The following UCMA variants were observed in gnomAD, a reference collection of about 807,000 sequenced individuals.
UCMA encodes upper zone of growth plate and cartilage matrix-associated protein.
A neutral mutation model predicts 21.8 loss-of-function variants in UCMA; 21 were observed. That is an observed-to-expected ratio of 0.97 (90% confidence interval 0.68 to 1.39). The LOEUF is 1.39. Among genes scored for constraint, UCMA ranks in the 40% most tolerant of loss-of-function variants. UCMA has a pLI of 0.00. For missense variants in UCMA, 193 were observed against 178.9 expected, an observed-to-expected ratio of 1.08 and a Z score of -0.45; for synonymous variants, 76 against 67.9, an observed-to-expected ratio of 1.12 and a Z score of -0.58.
At chr10:13,232,262 C>T (rs940475229) in intron 3 of UCMA, among the ~76,000 whole-genome samples, 11 of 149,758 alleles carry the variant, frequency 7.3e-5, no homozygotes, top group African/African-American at 2.7e-4. Context: ...ATTCCAGCTA[C>T]TTGGGAGGCT....
At chr10:13,229,580 T>C in intron 4 of UCMA, 31 bp downstream of exon 4, 1 of 1,587,430 alleles carries the variant, frequency 6.3e-7, no homozygotes, top group Non-Finnish European at 8.6e-7. Context: ...ACGCTCCACC[T>C]CCCTGAAGAC....
intron 3 of UCMA, among the ~76,000 whole-genome samples, chr10:13,230,387 T>A (rs1834882643): frequency 6.6e-6 from 1 of 152,204 alleles, no homozygotes; most frequent in Non-Finnish European, 1.5e-5. Flanking sequence ...AGACAAGTTT[T>A]ACCAAGCATT....
At position 13,223,151 on chromosome 10, in the gene UCMA, G is replaced by C. The variant is rs868704865; in HGVS notation, c.320-951C>G. Among the ~76,000 whole-genome samples the C allele has an allele frequency of 1.0e-3, 156 of 151,612 alleles. 1 individual carries two copies. Among genetic ancestry groups the C allele is most frequent in the Admixed American group, 3.0e-3 (46 of 15,238 alleles). On this transcript the variant is annotated intron_variant, in intron 4 of 4. Transcript: ENST00000378681. ...TGAAGTATGAGAATCACTTGAACCT[G>C]GGAGGTGGAGGATGCAGTGAGCTGA...
At chr10:13,225,690 AG>A (rs1834815915) in intron 4 of UCMA, among the ~76,000 whole-genome samples, 2 of 149,970 alleles carry the variant, frequency 1.3e-5, no homozygotes, top group African/African-American at 4.9e-5. Flanking sequence ...AAAAAAAAAA[AG>A]AATAGGTGAC....
At position 13,232,657 on chromosome 10, in the gene UCMA, A is replaced by G. The variant is rs116575100; in HGVS notation, c.220+881T>C. Among the ~76,000 whole-genome samples, 638 of 152,200 alleles carry G rather than the reference A, an allele frequency of 4.2e-3. 3 individuals are homozygous for G. The highest frequency in any genetic ancestry group is 0.014 in the African/African-American group (599 of 41,528). ...TATCTCTGTTCTTCCCATCATTTGA[A>G]AACAGTCCTGTTATTTTTACCAAGC... On this transcript the variant is annotated intron_variant, in intron 3 of 4. Coordinates refer to ENST00000378681, the MANE Select transcript of UCMA (RefSeq NM_145314.3).
intron 4 of UCMA, among the ~76,000 whole-genome samples, chr10:13,223,930 G>T (rs1834791801): frequency 1.3e-5 from 2 of 152,058 alleles, no homozygotes; most frequent in Admixed American, 1.3e-4. Context: ...GCGAGTTACT[G>T]CTTTATGAAT....
chr10:13,227,879 C>T (rs1329108986), intron 4 of UCMA, among the ~76,000 whole-genome samples: 2 of 151,660 alleles, frequency 1.3e-5, no homozygotes, highest in African/African-American at 2.4e-5. Context: ...AATCCCACTC[C>T]GTGGAAGGCA....
intron 4 of UCMA, among the ~76,000 whole-genome samples, chr10:13,225,096 G>T (rs2131602730): frequency 6.6e-6 from 1 of 152,086 alleles, no homozygotes; most frequent in East Asian, 1.9e-4. Context: ...TTCTCATCCT[G>T]TTGCCCAAGC....
rs759937696 is a variant in UCMA at position 13,229,760 on chromosome 10, G to T, written c.221-51C>A. ...TGCCCCTCAAGAATGAGGACACTTA[G>T]GGGCACACACTTAGGGGAGCACAGT... is the stretch of plus-strand genomic sequence containing the variant. On this transcript the variant is annotated intron_variant, in intron 3 of 4. Transcript: ENST00000378681. 1.7e-5 allele frequency: 25 copies of T among 1,500,988 alleles called. 1 individual carries two copies. In the Middle Eastern group the frequency reaches 5.1e-4, roughly 31 times the overall value. The allele number at this position is 1,500,988 out of a possible 1,614,324, so 93.0% of individuals were successfully genotyped here.
Position 13,229,615 on chromosome 10 carries a change from G to C in UCMA, c.315C>G (p.Asn105Lys), listed in dbSNP as rs974727103. The C allele has an allele frequency of 5.6e-6, 9 of 1,613,436 alleles. No homozygotes were observed. The Middle Eastern group carries it at 5.0e-4, about 89-fold the overall frequency. The stretch of plus-strand genomic sequence containing the variant: ...CACTGGCTGAAGAGCTCTTACCATC[G>C]TTTTGTTCCTCCACGAAGTTCTCAA... ...NEFENFVEEQ[N>K]DEQEERSREA... Residue 105 changes from asparagine to lysine, a missense_variant, in exon 4 of 5, where the codon AAC becomes AAG. Coordinates refer to ENST00000378681, the MANE Select transcript of UCMA (RefSeq NM_145314.3).
chr10:13,234,171 C>A, intron 1 of UCMA, 30 bp downstream of exon 1: 5 of 1,592,906 alleles, frequency 3.1e-6, no homozygotes, highest in Non-Finnish European at 4.3e-6. Context: ...ATGTAACTAA[C>A]ACCCTCCACC....
rs1437215377 is a variant in UCMA, at chr10:13,233,612, A to G, written c.146T>C (p.Met49Thr). 6.2e-7 allele frequency: 1 copy of G among 1,613,986 alleles called. No homozygotes were observed. Among genetic ancestry groups the G allele is most frequent in the Non-Finnish European group, 8.5e-7 (1 of 1,180,038 alleles). ...GAAATTCGAGGCATCTGATTCCTGC[A>G]TGAAAATCTTCTGTTTTGCATCTGA... The part of the protein sequence containing the change: ...ASEDAKQKIF[M>T]QESDASNFLK... The change falls in exon 3 of 5, where the codon ATG becomes ACG. Residue 49 changes from methionine to threonine, a missense_variant. Transcript: ENST00000378681.
chr10:13,224,198 T>A (rs10906323), intron 4 of UCMA, among the ~76,000 whole-genome samples: 1 of 151,746 alleles, frequency 6.6e-6, no homozygotes, highest in South Asian at 2.1e-4. Flanking sequence ...GTGATAGCAC[T>A]TGCCTATAGT....
chr10:13,232,258 G>C (rs553994456), intron 3 of UCMA, among the ~76,000 whole-genome samples: 6 of 151,148 alleles, frequency 4.0e-5, no homozygotes, highest in Non-Finnish European at 8.8e-5. Context: ...TGTAATTCCA[G>C]CTACTTGGGA....
chr10:13,234,095 A>G (rs1834937990), intron 1 of UCMA, 106 bp downstream of exon 1: 1 of 1,054,192 alleles, frequency 9.5e-7, no homozygotes, highest in South Asian at 1.8e-5. Flanking sequence ...TGTTAACAAT[A>G]AGCATACTCC....
At chr10:13,229,986 T>G (rs190112667) in intron 3 of UCMA, among the ~76,000 whole-genome samples, 5 of 152,310 alleles carry the variant, frequency 3.3e-5, no homozygotes, top group Admixed American at 2.6e-4. Context: ...TGGTGGCATA[T>G]CCAAGTATAC....
chr10:13,226,292 A>C (rs145841944), intron 4 of UCMA, among the ~76,000 whole-genome samples: 1 of 150,894 alleles, frequency 6.6e-6, no homozygotes, highest in African/African-American at 2.4e-5. Context: ...ACTCCCCAGG[A>C]TCAAGTGATC....
intron 4 of UCMA, among the ~76,000 whole-genome samples, chr10:13,224,538 A>T (rs191817081): frequency 8.6e-4 from 131 of 152,330 alleles, no homozygotes; most frequent in African/African-American, 2.7e-3. Context: ...CTAACAGAAG[A>T]TGATGTCAAG....
intron 1 of UCMA, 73 bp from the exon 2 acceptor site, chr10:13,233,873 C>T: frequency 6.3e-7 from 1 of 1,581,186 alleles, no homozygotes. Context: ...GTCCCCATCT[C>T]TCTTTCCAGG....
Sources: allele counts gnomAD v4.1 joint callset (sites outside exome capture counted in the v4.1 genomes callset), GRCh38; gene constraint gnomAD v4.1.1; transcripts MANE v1.5; gene names NCBI Gene and HGNC (gene_info 2026-07-23, HGNC 2026-07-21).